ESR1: variants seen among roughly 807,000 people sequenced by gnomAD.
ESR1 encodes the protein estrogen receptor 1.
Under a neutral mutation model 52.7 loss-of-function variants are expected in ESR1, and 12 were observed. That is an observed-to-expected ratio of 0.23 (90% CI 0.15 to 0.37). The LOEUF (loss-of-function observed/expected upper bound fraction) is 0.37, where lower values mean the gene tolerates loss of function less well. Among genes scored for constraint, ESR1 ranks in the 10% least tolerant of loss-of-function variants. The pLI is 1.00. For missense variants in ESR1, 584 were observed against 779.7 expected (o/e 0.75, Z 2.99); for synonymous variants, 305 against 316.8 (o/e 0.96, Z 0.39).
chr6:151,861,172 T>C (rs1583754457), intron 2 of ESR1, among the ~76,000 whole-genome samples: 1 of 152,302 alleles, frequency 6.6e-6, no homozygotes, highest in East Asian at 1.9e-4. Flanking sequence ...GCTGGGTAAG[T>C]CTGCATTTTC....
chr6:151,819,026 G>A (rs554713013), intron 1 of ESR1, among the ~76,000 whole-genome samples: 39 of 152,256 alleles, frequency 2.6e-4, no homozygotes, highest in African/African-American at 9.4e-4. Flanking sequence ...TGTTGAAAGA[G>A]CCATGTTTAA....
At chr6:151,770,200 A>G (rs1047814598) in intron 2 of ESR1, among the ~76,000 whole-genome samples, 1 of 152,214 alleles carries the variant, frequency 6.6e-6, no homozygotes, top group African/African-American at 2.4e-5. Flanking sequence ...ACATTCTAGT[A>G]GACCTAGACC....
At chr6:151,831,597 C>T (rs538632905) in intron 1 of ESR1, among the ~76,000 whole-genome samples, 1 of 152,302 alleles carries the variant, frequency 6.6e-6, no homozygotes, top group East Asian at 1.9e-4. Context: ...AGCCCAGGCT[C>T]TGGGGTCAGA....
intron 4 of ESR1, among the ~76,000 whole-genome samples, chr6:151,974,201 G>GAA (rs1328921608): frequency 1.3e-5 from 2 of 152,154 alleles, no homozygotes; most frequent in Non-Finnish European, 2.9e-5. Flanking sequence ...TACTGAACAG[G>GAA]AAATGAACAA....
chr6:151,767,510 A>T (rs191880771), intron 2 of ESR1, among the ~76,000 whole-genome samples: 1 of 152,328 alleles, frequency 6.6e-6, no homozygotes, highest in Non-Finnish European at 1.5e-5. Context: ...GAAAAAAAAG[A>T]TATAGTGACA....
intron 2 of ESR1, among the ~76,000 whole-genome samples, chr6:151,853,975 C>A (rs1787357400): frequency 6.6e-6 from 1 of 152,110 alleles, no homozygotes; most frequent in South Asian, 2.1e-4. Context: ...TCAACTCGTC[C>A]TCAAAATTAT....
Position 151,764,276 on chromosome 6 carries a change from A to AT in ESR1, c.-70-43559dup, listed in dbSNP as rs895226332. Among the ~76,000 whole-genome samples, 18 of 151,906 alleles carry AT rather than the reference A, an allele frequency of 1.2e-4. No homozygotes were observed. In the East Asian group the frequency reaches 1.7e-3, roughly 15 times the overall value. On this transcript the variant is annotated intron_variant, in intron 2 of 2. Transcript: ENST00000404742. ...ATGGGCCTGTCTGGTTTATTTATTT[A>AT]TTTTTTTTCTGCCTGAGTAACAGAA...
chr6:151,832,537 T>C (rs1369649924), intron 1 of ESR1, among the ~76,000 whole-genome samples: 1 of 152,196 alleles, frequency 6.6e-6, no homozygotes, highest in Non-Finnish European at 1.5e-5. Flanking sequence ...GGTACACAGG[T>C]AACCACATTT....
At chr6:152,104,146 G>GCTTCTCCCTCTCCAGAGT (rs1466249870), downstream of ESR1, among the ~76,000 whole-genome samples, 3 of 152,064 alleles carry the variant, frequency 2.0e-5, no homozygotes, top group Admixed American at 1.3e-4. Flanking sequence ...GGCTGACACT[G>GCTTCTCCCTCTCCAGAGT]CTTCTCCCTC....
chr6:151,731,365 A>G (rs1217167837), intron 2 of ESR1, among the ~76,000 whole-genome samples: 1 of 151,808 alleles, frequency 6.6e-6, no homozygotes, highest in Non-Finnish European at 1.5e-5. Flanking sequence ...CTCAAGAAAA[A>G]AAAAAAAGAA....
At position 152,098,688 on chromosome 6, in the gene ESR1, G is replaced by A. The variant is rs200019106; in HGVS notation, c.1554-44G>A. On this transcript the variant is annotated intron_variant, in intron 7 of 7. Transcript: ENST00000206249. This position sits in a 1 kb window ranked among gnomAD's most constrained non-coding sequence, Gnocchi z 5.1. ...AGGGATTTCAGCACTCCTGGGGCTCGGGTTGGCTCTAAAGTAGTCCTTTCT... is the reference window on the plus strand; with the variant it reads ...AGGGATTTCAGCACTCCTGGGGCTCAGGTTGGCTCTAAAGTAGTCCTTTCT... 6.2e-5 allele frequency: 95 copies of A among 1,523,878 alleles called. No homozygotes were observed. In the African/African-American group the frequency reaches 8.9e-4, roughly 14 times the overall value. 94.4% of individuals were successfully genotyped at this position (1,523,878 alleles called of 1,614,324 possible).
intron 3 of ESR1, among the ~76,000 whole-genome samples, chr6:151,881,106 G>C (rs1792837439): frequency 6.6e-6 from 1 of 152,156 alleles, no homozygotes; most frequent in African/African-American, 2.4e-5. Flanking sequence ...TTCAGTTACT[G>C]TTTATGTTGC....
chr6:151,900,629 GGTT>G (rs1169549009), intron 3 of ESR1, among the ~76,000 whole-genome samples: 5 of 152,224 alleles, frequency 3.3e-5, no homozygotes, highest in Non-Finnish European at 5.9e-5. Context: ...TTGTCCCACA[GGTT>G]GTTTTCTTGA....
rs1447425129 is a variant in ESR1, at chr6:151,808,108, G to A, written c.196G>A (p.Ala66Thr). ...EGAAYEFNAA[A>T]AANAQVYGQT... ...CGCCGCCTACGAGTTCAACGCCGCG[G>A]CCGCCGCCAACGCGCAGGTCTACGG... Residue 66 changes from alanine to threonine, a missense_variant, in exon 1 of 8, where the codon GCC becomes ACC. By Grantham distance (58) the Ala-to-Thr change is moderately conservative. Coordinates refer to ENST00000206249, the MANE Select transcript of ESR1 (RefSeq NM_000125.4). The A allele has an allele frequency of 1.1e-5, 18 of 1,611,106 alleles. No homozygotes were observed. Among genetic ancestry groups the A allele is most frequent in the Non-Finnish European group, 1.4e-5 (17 of 1,179,282 alleles).
intron 3 of ESR1, among the ~76,000 whole-genome samples, chr6:151,894,374 A>G (rs1192409371): frequency 6.6e-6 from 1 of 152,038 alleles, no homozygotes; most frequent in Non-Finnish European, 1.5e-5. Flanking sequence ...CCTTTTGTGC[A>G]AAAGCTCTTT....
chr6:152,001,165 T>C (rs902993034), intron 4 of ESR1, among the ~76,000 whole-genome samples: 1 of 152,030 alleles, frequency 6.6e-6, no homozygotes, highest in Non-Finnish European at 1.5e-5. Flanking sequence ...TAGTCTATTT[T>C]CTGTTCCTAT....
chr6:151,837,636 AT>A, intron 1 of ESR1, among the ~76,000 whole-genome samples: 1 of 152,116 alleles, frequency 6.6e-6, no homozygotes, highest in Non-Finnish European at 1.5e-5. Context: ...TTCATTTCTC[AT>A]TCGATCTTCA....
chr6:152,125,301 A>G lies in ESR1; in HGVS notation c.886A>G (p.Asn296Asp), dbSNP rs2052995113. Reference sequence around the variant, plus strand: ...TGTAGAAGCAAAGAAGAGAATCCTGAACTTGCATCCTAAAATATTTGGAAA... The same window carrying G: ...TGTAGAAGCAAAGAAGAGAATCCTGGACTTGCATCCTAAAATATTTGGAAA... Residue 296 changes from asparagine to aspartate, a missense_variant, in exon 7 of 7, where the codon AAC becomes GAC. Asn to Asp is a conservative substitution (Grantham distance 23). Coordinates refer to the ESR1 transcript ENST00000427531. 4 of 1,550,426 alleles carry G rather than the reference A, an allele frequency of 2.6e-6. No homozygotes were observed. In the South Asian group the frequency reaches 3.6e-5, roughly 14 times the overall value.
chr6:151,685,833 A>C (rs1225058715), upstream of ESR1, among the ~76,000 whole-genome samples: 1 of 152,170 alleles, frequency 6.6e-6, no homozygotes, highest in Admixed American at 6.5e-5. Flanking sequence ...ATATGTGTGT[A>C]TATAAAGAGG....
Sources: gnomAD v4.1 joint callset for allele counts (sites outside exome capture counted in the v4.1 genomes callset) on GRCh38, gnomAD v4.1.1 for gene constraint, Gnocchi (gnomAD v3.1) non-coding constraint, MANE v1.5 for transcripts, NCBI Gene and HGNC (gene_info 2026-07-23, HGNC 2026-07-21) for gene names.